Variants in TBC1D7 observed in about 807,000 individuals in gnomAD.
TBC1D7 encodes the protein TBC domain family 7.
A neutral mutation model predicts 35.3 loss-of-function variants in TBC1D7; 33 were observed. The ratio of observed to expected loss-of-function variants is 0.93; its 90% CI spans 0.71 to 1.25. The LOEUF (loss-of-function observed/expected upper bound fraction) is 1.25, where lower values mean the gene tolerates loss of function less well. Ranked by LOEUF, TBC1D7 falls within the 50% of genes most tolerant of loss-of-function variation. TBC1D7 has a pLI of 0.00. For synonymous variants in TBC1D7, 135 were observed against 129.5 expected (o/e 1.04, Z -0.29); for missense variants, 362 against 365.3 (o/e 0.99, Z 0.07).
rs750114630 is a variant in TBC1D7, at chr6:13,316,593, T to G, written c.497A>C (p.Tyr166Ser). The G allele has an allele frequency of 2.5e-6, 4 of 1,610,450 alleles. 1 individual carries two copies. The South Asian group carries it at 4.4e-5, about 18-fold the overall frequency. The change falls in exon 5 of 8, where the codon TAC becomes TCC. Residue 166 changes from tyrosine (Y) to serine (S), a missense_variant. Coordinates refer to ENST00000379300, the MANE Select transcript of TBC1D7 (RefSeq NM_016495.6). ...RRFVNQLNTKYRDSLPQLPKA... is the reference protein window; with the variant it reads ...RRFVNQLNTKSRDSLPQLPKA... Reference sequence around the variant, plus strand: ...CACCAACTGGGGCAAGGAATCCCGGTACTTGGTATTTAATTGGTTCACAAA... The same window carrying G: ...CACCAACTGGGGCAAGGAATCCCGGGACTTGGTATTTAATTGGTTCACAAA...
At chr6:13,324,030 G>A (rs1157633086) in intron 3 of TBC1D7, among the ~76,000 whole-genome samples, 1 of 152,206 alleles carries the variant, frequency 6.6e-6, no homozygotes, top group East Asian at 1.9e-4. Flanking sequence ...GGCATACAGG[G>A]ATGCCCAATA....
chr6:13,316,756 A>C lies in TBC1D7; in HGVS notation c.382-48T>G, dbSNP rs770472742. Reference sequence around the variant, plus strand: ...CAAGAGGAAGGCAGTGAAAGAGAGGAATACATATTTCTTTAATAAAAAATG... The same window carrying C: ...CAAGAGGAAGGCAGTGAAAGAGAGGCATACATATTTCTTTAATAAAAAATG... On this transcript the variant is annotated intron_variant, in intron 4 of 7. Transcript: ENST00000379300. 7 of 1,592,496 alleles carry C rather than the reference A, an allele frequency of 4.4e-6. No individual in the cohort carries two copies. The South Asian group carries it at 4.5e-5, about 10-fold the overall frequency.
chr6:13,318,409 G>A (rs1179552768), intron 4 of TBC1D7, among the ~76,000 whole-genome samples: 1 of 152,080 alleles, frequency 6.6e-6, no homozygotes, highest in Non-Finnish European at 1.5e-5. Flanking sequence ...CGGTGAGGCG[G>A]AACCTATACC....
At chr6:13,312,682 G>A (rs3001968) in intron 5 of TBC1D7, among the ~76,000 whole-genome samples, 43,445 of 142,826 alleles carry the variant, frequency 0.3, 6,824 homozygotes, top group South Asian at 0.45. Context: ...ACAGAGCAAG[G>A]CTCCATCTCA....
In TBC1D7 at chr6:13,316,564, C is replaced by G; in HGVS notation, c.519+7G>C. Reference sequence around the variant, plus strand: ...TCCAATAGCCAAAAAAAAAAAAAAGCCCTCACCAACTGGGGCAAGGAATCC... The same window carrying G: ...TCCAATAGCCAAAAAAAAAAAAAAGGCCTCACCAACTGGGGCAAGGAATCC... On this transcript the variant is annotated splice_region_variant and intron_variant, in intron 5 of 7. Transcript: ENST00000379300. 6.3e-7 allele frequency: 1 copy of G among 1,582,050 alleles called. No individual in the cohort carries two copies. Among genetic ancestry groups the G allele is most frequent in the Non-Finnish European group, 8.5e-7 (1 of 1,171,228 alleles).
chr6:13,308,586 G>T (rs1352102484), intron 5 of TBC1D7, among the ~76,000 whole-genome samples: 3 of 152,190 alleles, frequency 2.0e-5, no homozygotes, highest in African/African-American at 7.2e-5. Flanking sequence ...CACTGGCTGA[G>T]AATGGGCTCT....
intron 1 of TBC1D7, 48 bp from the exon 2 acceptor site, chr6:13,326,954 A>G: frequency 9.3e-7 from 1 of 1,071,240 alleles, no homozygotes; most frequent in South Asian, 1.4e-5. Flanking sequence ...GACGAAGGGG[A>G]AAAGTGAGTC....
intron 4 of TBC1D7, among the ~76,000 whole-genome samples, chr6:13,317,466 C>G (rs2127535066): frequency 6.6e-6 from 1 of 152,290 alleles, no homozygotes; most frequent in African/African-American, 2.4e-5. Context: ...TAAGAAGTAT[C>G]ACACTTTCCC....
chr6:13,308,564 A>G (rs1782972015), intron 5 of TBC1D7, among the ~76,000 whole-genome samples: 1 of 152,190 alleles, frequency 6.6e-6, no homozygotes, highest in South Asian at 2.1e-4. Flanking sequence ...GCTGGCTGCT[A>G]TATTTAGGGT....
At chr6:13,322,413 T>C (rs1254049472) in intron 3 of TBC1D7, among the ~76,000 whole-genome samples, 1 of 152,174 alleles carries the variant, frequency 6.6e-6, no homozygotes, top group Non-Finnish European at 1.5e-5. Flanking sequence ...CCTTTAGCAA[T>C]TACTTTATCT....
Position 13,309,562 on chromosome 6 carries a change from C to A in TBC1D7, c.520-1817G>T, listed in dbSNP as rs549157649. Among the ~76,000 whole-genome samples, 73 of 152,270 alleles carry A rather than the reference C, an allele frequency of 4.8e-4. 1 individual carries two copies. The South Asian group carries it at 0.015, about 31-fold the overall frequency. On this transcript the variant is annotated intron_variant, in intron 5 of 7. Coordinates refer to ENST00000379300, the MANE Select transcript of TBC1D7 (RefSeq NM_016495.6). ...TGCCAATATCTAATTAATTTCTTAA[C>A]CTTTTTCCTGGTTTATTATAGCCTA... is the stretch of plus-strand genomic sequence containing the variant.
chr6:13,316,827 A>G lies in TBC1D7; in HGVS notation c.382-119T>C, dbSNP rs1209013115. ...TGAAAAGGCTACATTAATAAATCAA[A>G]GTAGGATCAAAAAGCACAGAGTCCC... is the stretch of plus-strand genomic sequence containing the variant. On this transcript the variant is annotated intron_variant, in intron 4 of 7. Transcript: ENST00000379300. 13 of 1,243,406 alleles carry G rather than the reference A, an allele frequency of 1.0e-5. No individual in the cohort carries two copies. In the African/African-American group the frequency reaches 1.8e-4, roughly 17 times the overall value. 77.0% of individuals were successfully genotyped at this position (1,243,406 alleles called of 1,614,324 possible). A position where few individuals can be genotyped will look rare whatever the true frequency, so the allele number is the denominator to read the frequency against.
chr6:13,326,792 C>T lies in TBC1D7; in HGVS notation c.107G>A (p.Arg36His), dbSNP rs201992481. The T allele has an allele frequency of 9.0e-5, 144 of 1,603,566 alleles. 1 individual carries two copies. The highest frequency in any genetic ancestry group is 6.4e-4 in the South Asian group (58 of 90,722). ...TAATTTTTAAAAGTACTCACCCAGA[C>T]GGTCATCTTTTAGGAGAATTTCTAA... ...KSLEILLKDD[R>H]LDTEKLCTFS... The change falls in exon 2 of 8, where the codon CGT becomes CAT. Residue 36 changes from arginine (R) to histidine (H), a missense_variant. By Grantham distance (29) the Arg-to-His change is conservative (BLOSUM62 0). Transcript: ENST00000379300.
At chr6:13,313,331 T>C (rs1584540001) in intron 5 of TBC1D7, among the ~76,000 whole-genome samples, 1 of 152,204 alleles carries the variant, frequency 6.6e-6, no homozygotes, top group East Asian at 1.9e-4. Flanking sequence ...AAGATGCCAT[T>C]TCACTATCAG....
intron 5 of TBC1D7, among the ~76,000 whole-genome samples, chr6:13,311,564 A>C (rs1174421054): frequency 6.6e-6 from 1 of 152,262 alleles, no homozygotes; most frequent in Non-Finnish European, 1.5e-5. Context: ...TGCCGAAATC[A>C]AACAGCAAGC....
At chr6:13,319,136 A>T (rs1160959105) in intron 4 of TBC1D7, 1 of 152,240 alleles carries the variant, frequency 6.6e-6, no homozygotes, top group Admixed American at 6.5e-5. Context: ...GCTCTTCAAA[A>T]GTGTCAAGGT....
intron 7 of TBC1D7, chr6:13,306,047 G>A (rs1458956107): frequency 9.6e-6 from 2 of 207,420 alleles, no homozygotes; most frequent in Non-Finnish European, 1.9e-5. Flanking sequence ...CCCAAAGACA[G>A]GATGCAAACT....
intron 5 of TBC1D7, among the ~76,000 whole-genome samples, chr6:13,314,677 G>A (rs1783475320): frequency 6.6e-6 from 1 of 152,134 alleles, no homozygotes; most frequent in African/African-American, 2.4e-5. Flanking sequence ...AACTGCTCTT[G>A]TAAGTGTTCT....
At chr6:13,321,436 G>A (rs780995345) in intron 3 of TBC1D7, among the ~76,000 whole-genome samples, 1 of 152,174 alleles carries the variant, frequency 6.6e-6, no homozygotes, top group Non-Finnish European at 1.5e-5. Flanking sequence ...GCCTCAGGCT[G>A]CCTTTAGCTC....
Sources: gnomAD v4.1 joint callset for allele counts (sites outside exome capture counted in the v4.1 genomes callset) on GRCh38, gnomAD v4.1.1 for gene constraint, MANE v1.5 for transcripts, NCBI Gene and HGNC (gene_info 2026-07-23, HGNC 2026-07-21) for gene names.